Variants in NDUFAF6 observed in about 807,000 individuals in gnomAD.
The protein encoded by NDUFAF6 is NADH:ubiquinone oxidoreductase complex assembly factor 6.
NDUFAF6 carries 45 observed loss-of-function variants against 40.8 expected under a neutral mutation model. That is an observed-to-expected ratio of 1.10 (90% CI 0.87 to 1.42). The LOEUF (loss-of-function observed/expected upper bound fraction) is 1.42, where lower values mean the gene tolerates loss of function less well. NDUFAF6 is among the 40% of genes most tolerant of loss of function. The probability of loss-of-function intolerance (pLI) is 0.00; values close to 1 mark genes in which losing one functional copy is unlikely to be tolerated. For synonymous variants in NDUFAF6, 185 were observed against 155.9 expected, an observed-to-expected ratio of 1.19 and a Z score of -1.39; for missense variants, 435 against 418.5, an observed-to-expected ratio of 1.04 and a Z score of -0.34.
intron 2 of NDUFAF6, among the ~76,000 whole-genome samples, chr8:95,015,908 A>G (rs11786380): frequency 0.14 from 21,817 of 151,706 alleles, 1,590 homozygotes; most frequent in Middle Eastern, 0.25. Context: ...CAGATCAAGA[A>G]TGAGAAAGAG....
At position 95,015,197 on chromosome 8, in the gene NDUFAF6, C is replaced by G. The variant is rs151085094; in HGVS notation, c.-83-16798C>G. Among the ~76,000 whole-genome samples, 289 of 152,222 alleles carry G rather than the reference C, an allele frequency of 1.9e-3. 2 individuals are homozygous for G. Among genetic ancestry groups the G allele is most frequent in the Non-Finnish European group, 3.5e-3 (237 of 68,012 alleles). On this transcript the variant is annotated intron_variant, in intron 2 of 9. Transcript: ENST00000396111. ...CTTGTAGTCCATCTGTTTGGGACCT[C>G]CTGGAGTTGTGCAGTGTACAACCTG...
At chr8:95,086,191 GGAA>G (rs968115252) in intron 2 of NDUFAF6, among the ~76,000 whole-genome samples, 14 of 152,168 alleles carry the variant, frequency 9.2e-5, no homozygotes, top group Non-Finnish European at 1.8e-4. Context: ...GACCAGGACT[GGAA>G]GAATAAAAAT....
chr8:95,071,339 A>G (rs952746226), intron 9 of NDUFAF6, among the ~76,000 whole-genome samples: 29 of 145,492 alleles, frequency 2.0e-4, no homozygotes, highest in Non-Finnish European at 4.1e-4. Context: ...TGGAGTTTGC[A>G]GTGAGCCGAG....
At chr8:94,926,386 C>T (rs952323247) in intron 1 of NDUFAF6, 1 of 143,172 alleles carries the variant, frequency 7.0e-6, no homozygotes, top group East Asian at 2.2e-4. Context: ...AATATGTTCA[C>T]AATTTTACTT....
chr8:94,902,929 C>T (rs1044044338), intron 1 of NDUFAF6, among the ~76,000 whole-genome samples: 1 of 152,078 alleles, frequency 6.6e-6, no homozygotes, highest in African/African-American at 2.4e-5. Context: ...GTCTCAAACT[C>T]CTGACATCAG....
chr8:94,911,316 C>T (rs145867984), intron 1 of NDUFAF6, among the ~76,000 whole-genome samples: 2 of 152,260 alleles, frequency 1.3e-5, no homozygotes, highest in African/African-American at 2.4e-5. Flanking sequence ...AATTACCTAA[C>T]CTCAGTCTTC....
At chr8:94,957,319 G>A (rs1188061265), upstream of NDUFAF6, among the ~76,000 whole-genome samples, 1 of 152,200 alleles carries the variant, frequency 6.6e-6, no homozygotes, top group Non-Finnish European at 1.5e-5. Flanking sequence ...ATGTAAATGT[G>A]CAACTTATCA....
chr8:95,028,920 T>A (rs1019812102), intron 1 of NDUFAF6, among the ~76,000 whole-genome samples: 2 of 152,232 alleles, frequency 1.3e-5, no homozygotes, highest in African/African-American at 4.8e-5. Flanking sequence ...TAGAAACTTT[T>A]GGGGAACCAT....
chr8:95,064,041 T>G (rs1832637838), intron 9 of NDUFAF6, among the ~76,000 whole-genome samples: 1 of 127,230 alleles, frequency 7.9e-6, no homozygotes, highest in South Asian at 2.5e-4. Flanking sequence ...CTGGCTAATT[T>G]TTTTTTTTTT....
intron 2 of NDUFAF6, among the ~76,000 whole-genome samples, chr8:95,015,714 G>C (rs1404652432): frequency 6.6e-6 from 1 of 152,198 alleles, no homozygotes; most frequent in Non-Finnish European, 1.5e-5. Flanking sequence ...TCAAGAGTGA[G>C]ATGGACACTT....
chr8:95,089,435 A>AAT (rs1809175925), intron 2 of NDUFAF6, among the ~76,000 whole-genome samples: 2 of 142,530 alleles, frequency 1.4e-5, no homozygotes, highest in South Asian at 2.3e-4. Flanking sequence ...ATATAGAAGA[A>AAT]ATATATATAC....
chr8:94,964,012 G>A (rs907280712), intron 1 of NDUFAF6, among the ~76,000 whole-genome samples: 2 of 152,188 alleles, frequency 1.3e-5, no homozygotes, highest in East Asian at 1.9e-4. Context: ...TGCACCCAAG[G>A]CTGTGCTAAA....
intron 1 of NDUFAF6, among the ~76,000 whole-genome samples, chr8:94,923,613 T>TA (rs1184346546): frequency 6.6e-6 from 1 of 152,158 alleles, no homozygotes; most frequent in African/African-American, 2.4e-5. Flanking sequence ...AATGAGCTGA[T>TA]AGTGGTGTGT....
chr8:95,087,228 A>G (rs1285741453), intron 2 of NDUFAF6, among the ~76,000 whole-genome samples: 1 of 152,210 alleles, frequency 6.6e-6, no homozygotes, highest in Admixed American at 6.5e-5. Context: ...ACAACTTTTC[A>G]TACTTGCATC....
chr8:95,111,387 T>C (rs1382359481), intron 4 of NDUFAF6, among the ~76,000 whole-genome samples: 9 of 152,222 alleles, frequency 5.9e-5, no homozygotes, highest in Admixed American at 5.9e-4. Context: ...TACTGACATA[T>C]GTATCCTTTA....
intron 1 of NDUFAF6, among the ~76,000 whole-genome samples, chr8:94,934,065 G>A (rs1820722840): frequency 6.7e-6 from 1 of 149,046 alleles, no homozygotes; most frequent in Non-Finnish European, 1.5e-5. Context: ...CAACAAGAGT[G>A]AAACTCTGTC....
intron 1 of NDUFAF6, among the ~76,000 whole-genome samples, chr8:94,897,952 A>C (rs954460130): frequency 1.3e-5 from 2 of 152,190 alleles, no homozygotes; most frequent in Non-Finnish European, 2.9e-5. Flanking sequence ...ATAGAATTTT[A>C]GGTCTCTAGG....
rs1820747587 is a variant in NDUFAF6 at position 94,934,243 on chromosome 8, T to C, written c.-935-11240T>C. Among the ~76,000 whole-genome samples the C allele has an allele frequency of 2.6e-5, 4 of 152,202 alleles. No homozygotes were observed. The South Asian group carries it at 8.3e-4, about 31-fold the overall frequency. ...AATGTCATTTCCAATTTTTGCATAT[T>C]TGTATTTTCTAATTTTTTTACATTG... On this transcript the variant is annotated intron_variant, in intron 1 of 14. Coordinates refer to the NDUFAF6 transcript ENST00000396113.
downstream of NDUFAF6, among the ~76,000 whole-genome samples, chr8:95,108,197 A>G (rs779922832): frequency 6.6e-6 from 1 of 152,186 alleles, no homozygotes. Context: ...AATTTTATCT[A>G]GTAATTCCAC....
Sources: gnomAD v4.1 joint callset for allele counts (sites outside exome capture counted in the v4.1 genomes callset) on GRCh38, gnomAD v4.1.1 for gene constraint, MANE v1.5 for transcripts, NCBI Gene and HGNC (gene_info 2026-07-23, HGNC 2026-07-21) for gene names.